SPATA16: variants seen among roughly 807,000 people sequenced by gnomAD.
SPATA16 encodes spermatogenesis-associated protein 16.
SPATA16 carries 36 observed loss-of-function variants against 63.3 expected under a neutral mutation model. That is an observed-to-expected ratio of 0.57 (90% CI 0.44 to 0.75). The LOEUF (loss-of-function observed/expected upper bound fraction) is 0.75, where lower values mean the gene tolerates loss of function less well. SPATA16 is among the 30% of genes least tolerant of loss of function. The pLI is 0.00. For synonymous variants in SPATA16, 203 were observed against 216.7 expected (o/e 0.94, Z 0.56); for missense variants, 646 against 679.3 (o/e 0.95, Z 0.54).
rs1438237695 is a variant in SPATA16, at chr3:172,949,688, C to G, written c.1081+6989G>C. ...CTCATATTGAGAACTCCGTCGCCTGCTAAAATGAGTTCTGCTTGTTTGGAA... is the reference window on the plus strand; with the variant it reads ...CTCATATTGAGAACTCCGTCGCCTGGTAAAATGAGTTCTGCTTGTTTGGAA... On this transcript the variant is annotated intron_variant, in intron 6 of 10. Coordinates refer to ENST00000351008, the MANE Select transcript of SPATA16 (RefSeq NM_031955.6). Among the ~76,000 whole-genome samples the G allele has an allele frequency of 2.0e-5, 3 of 152,098 alleles. No homozygotes were observed. In the East Asian group the frequency reaches 5.8e-4, roughly 30 times the overall value.
chr3:173,023,172 T>TGC (rs1470635868), intron 3 of SPATA16, among the ~76,000 whole-genome samples: 2 of 150,860 alleles, frequency 1.3e-5, no homozygotes, highest in Non-Finnish European at 3.0e-5. Context: ...TGTGTGTGTG[T>TGC]GCTTATTTTA....
At chr3:173,037,281 A>C (rs933331440) in intron 3 of SPATA16, among the ~76,000 whole-genome samples, 21 of 151,940 alleles carry the variant, frequency 1.4e-4, no homozygotes, top group Non-Finnish European at 4.4e-5. Context: ...TCTCGATGTT[A>C]TTTTCACATT....
intron 3 of SPATA16, among the ~76,000 whole-genome samples, chr3:173,029,518 C>T (rs956798693): frequency 1.3e-5 from 2 of 151,402 alleles, no homozygotes; most frequent in African/African-American, 4.9e-5. Flanking sequence ...CCTTCACATG[C>T]ACTAGGTTGT....
chr3:173,043,790 T>G (rs1315641899), intron 3 of SPATA16, among the ~76,000 whole-genome samples: 1 of 152,116 alleles, frequency 6.6e-6, no homozygotes, highest in African/African-American at 2.4e-5. Context: ...ACATTTCTCT[T>G]TATTATTCTC....
At chr3:173,084,584 A>G (rs9818855) in intron 2 of SPATA16, among the ~76,000 whole-genome samples, 6,003 of 152,102 alleles carry the variant, frequency 0.039, 396 homozygotes, top group African/African-American at 0.14. Flanking sequence ...TTGTCATGAA[A>G]TCTTTGCCTG....
intron 4 of SPATA16, among the ~76,000 whole-genome samples, chr3:172,999,520 T>C (rs1734769442): frequency 6.6e-6 from 1 of 152,098 alleles, no homozygotes; most frequent in Non-Finnish European, 1.5e-5. Flanking sequence ...TTCAAGTGAT[T>C]CTCCTGCCTC....
chr3:172,963,321 TACTTGCATTATTTAGAAATCACTAAAAA>T (rs1733833169), intron 5 of SPATA16, among the ~76,000 whole-genome samples: 1 of 152,156 alleles, frequency 6.6e-6, no homozygotes, highest in African/African-American at 2.4e-5. Flanking sequence ...ATTTAAATTT[TACTTGCATTATTTAGAAATCACTAAAAA>T]TTGCATAAAC....
At chr3:172,903,582 A>T (rs752167092) in intron 10 of SPATA16, among the ~76,000 whole-genome samples, 18 of 152,248 alleles carry the variant, frequency 1.2e-4, no homozygotes, top group Non-Finnish European at 2.4e-4. Flanking sequence ...TTTCTGGATG[A>T]TAATTCAGAT....
intron 4 of SPATA16, among the ~76,000 whole-genome samples, chr3:173,004,638 A>G (rs1449461996): frequency 6.6e-6 from 1 of 152,180 alleles, no homozygotes; most frequent in East Asian, 1.9e-4. Flanking sequence ...TTGGGTTTCA[A>G]GATTGAGAAA....
chr3:173,006,713 C>A (rs1326874295), intron 4 of SPATA16, among the ~76,000 whole-genome samples: 1 of 152,174 alleles, frequency 6.6e-6, no homozygotes, highest in Non-Finnish European at 1.5e-5. Context: ...GATTACTTAT[C>A]TACAGCAATG....
At chr3:173,140,012 A>T (rs1738665493) in intron 1 of SPATA16, among the ~76,000 whole-genome samples, 1 of 151,842 alleles carries the variant, frequency 6.6e-6, no homozygotes. Flanking sequence ...AAACAAACAA[A>T]CAAACAAACT....
chr3:173,076,649 ATAT>A (rs895564957), intron 2 of SPATA16, among the ~76,000 whole-genome samples: 4 of 152,120 alleles, frequency 2.6e-5, no homozygotes, highest in African/African-American at 7.2e-5. Flanking sequence ...TTTGAAAAAG[ATAT>A]TATATTATAT....
intron 5 of SPATA16, among the ~76,000 whole-genome samples, chr3:172,959,384 C>T (rs1041770350): frequency 6.6e-6 from 1 of 152,206 alleles, no homozygotes; most frequent in African/African-American, 2.4e-5. Context: ...CAAGGCATTG[C>T]CTTCAGGCCT....
chr3:172,993,327 C>G (rs1419834283), intron 4 of SPATA16, among the ~76,000 whole-genome samples: 1 of 151,948 alleles, frequency 6.6e-6, no homozygotes. Context: ...AAATTTGAAA[C>G]CTATTTTTAA....
chr3:172,895,799 G>T (rs1371590210), intron 10 of SPATA16, among the ~76,000 whole-genome samples: 2 of 151,948 alleles, frequency 1.3e-5, no homozygotes, highest in African/African-American at 2.4e-5. Flanking sequence ...TTACCAGTTT[G>T]TTTAACCATT....
chr3:172,907,434 T>A (rs932436757), intron 10 of SPATA16, among the ~76,000 whole-genome samples: 1 of 152,202 alleles, frequency 6.6e-6, no homozygotes, highest in Admixed American at 6.5e-5. Flanking sequence ...ATTTCCAACT[T>A]AACAGCTTAG....
intron 6 of SPATA16, among the ~76,000 whole-genome samples, chr3:172,937,676 G>T (rs1190697730): frequency 6.6e-6 from 1 of 152,022 alleles, no homozygotes; most frequent in Admixed American, 6.6e-5. Flanking sequence ...CTAAAACTAG[G>T]GGGTAGAGTG....
intron 2 of SPATA16, among the ~76,000 whole-genome samples, chr3:173,105,169 A>G (rs1235073452): frequency 6.6e-6 from 1 of 152,224 alleles, no homozygotes; most frequent in Non-Finnish European, 1.5e-5. Flanking sequence ...GTGCCAATAC[A>G]TAAAATTTTG....
At chr3:172,962,006 A>T (rs1182576172) in intron 5 of SPATA16, among the ~76,000 whole-genome samples, 1 of 152,064 alleles carries the variant, frequency 6.6e-6, no homozygotes, top group Non-Finnish European at 1.5e-5. Context: ...TAATCCCAGC[A>T]CTTTGGGAGG....
Sources: allele counts gnomAD v4.1 joint callset (sites outside exome capture counted in the v4.1 genomes callset), GRCh38; gene constraint gnomAD v4.1.1; transcripts MANE v1.5; gene names NCBI Gene and HGNC (gene_info 2026-07-23, HGNC 2026-07-21).